CSAD: variants seen among roughly 807,000 people sequenced by gnomAD.
The protein encoded by CSAD is P-selectin cytoplasmic tail-associated protein.
CSAD carries 47 observed loss-of-function variants against 61.5 expected under a neutral mutation model. That is an observed-to-expected ratio of 0.76 (90% CI 0.60 to 0.97). The LOEUF (loss-of-function observed/expected upper bound fraction) is 0.97, where lower values mean the gene tolerates loss of function less well. Among genes scored for constraint, CSAD ranks in the 50% least tolerant of loss-of-function variants. The pLI is 0.00. For synonymous variants in CSAD, 245 were observed against 252.7 expected (o/e 0.97, Z 0.29); for missense variants, 611 against 643.6 (o/e 0.95, Z 0.55).
chr12:53,180,211 C>G, intron 1 of CSAD: 1 of 985,428 alleles, frequency 1.0e-6, no homozygotes, highest in Non-Finnish European at 1.2e-6. Context: ...CCTCTCCCAG[C>G]TGACCCCAAA....
At chr12:53,161,246 G>A (rs768821177) in intron 11 of CSAD, 27 bp downstream of exon 11, 54 of 1,612,662 alleles carry the variant, frequency 3.3e-5, no homozygotes, top group Middle Eastern at 1.6e-4. Flanking sequence ...CCACCCCACC[G>A]CACCCCCAAG....
Position 53,180,809 on chromosome 12 carries a change from G to A in CSAD, c.-168C>T, listed in dbSNP as rs1941552133. On this transcript the variant is annotated 5_prime_UTR_variant, in exon 1 of 17. Transcript: ENST00000444623. The stretch of plus-strand genomic sequence containing the variant: ...GCCTGGAGGAGGCGCCGCGCGGCCA[G>A]GGAGCCAGCGGGAGGCCGCGCCTGG... 1 of 1,272,086 alleles carries A rather than the reference G, an allele frequency of 7.9e-7. No individual in the cohort carries two copies. The highest frequency in any genetic ancestry group is 1.6e-5 in the African/African-American group (1 of 63,438). 78.8% of individuals were successfully genotyped at this position (1,272,086 alleles called of 1,614,324 possible). A position where few individuals can be genotyped will look rare whatever the true frequency, so the allele number is the denominator to read the frequency against.
chr12:53,178,531 C>A, intron 2 of CSAD: 1 of 294,558 alleles, frequency 3.4e-6, no homozygotes, highest in South Asian at 2.8e-5. Flanking sequence ...GTGGCTCACA[C>A]CTGGAATCCC....
chr12:53,170,190 G>C, intron 9 of CSAD, 64 bp from the exon 10 acceptor site: 1 of 1,476,952 alleles, frequency 6.8e-7, no homozygotes, highest in Non-Finnish European at 9.4e-7. Context: ...GGGTAAGGTG[G>C]GGTTAGCAAT....
At chr12:53,174,983 G>A (rs888630075) in intron 2 of CSAD, among the ~76,000 whole-genome samples, 4 of 152,106 alleles carry the variant, frequency 2.6e-5, no homozygotes, top group Non-Finnish European at 4.4e-5. Flanking sequence ...CTCAACCCCC[G>A]CTGGCTCTCA....
chr12:53,174,697 G>C (rs1940970016), intron 2 of CSAD, among the ~76,000 whole-genome samples: 1 of 152,216 alleles, frequency 6.6e-6, no homozygotes, highest in East Asian at 1.9e-4. Context: ...AGGAGGCTGA[G>C]GCAGGATCCA....
At chr12:53,181,233 C>A (rs929005717), upstream of CSAD, 1 of 985,464 alleles carries the variant, frequency 1.0e-6, no homozygotes, top group Non-Finnish European at 1.2e-6. Flanking sequence ...TACCTTCGGG[C>A]GGACGGGGAG....
intron 10 of CSAD, among the ~76,000 whole-genome samples, chr12:53,169,704 A>G (rs1253867473): frequency 1.3e-5 from 2 of 151,984 alleles, no homozygotes; most frequent in African/African-American, 4.8e-5. Context: ...ATGTCCCCTC[A>G]TCCCCACTAC....
chr12:53,172,539 C>G lies in CSAD; in HGVS notation c.236G>C (p.Arg79Pro), dbSNP rs35851381. ...GGGCCCACCAGTCTTGACACTGTAG[C>G]GAATCACAGCCCGACACCGCTCCAG... ...QILERCRAVI[R>P]YSVKTGHPRF... Residue 79 changes from arginine to proline, a missense_variant, in exon 5 of 17, where the codon CGC (arginine) becomes CCC (proline). Transcript: ENST00000444623. 6.2e-7 allele frequency: 1 copy of G among 1,614,096 alleles called. No individual in the cohort carries two copies. The highest frequency in any genetic ancestry group is 8.5e-7 in the Non-Finnish European group (1 of 1,179,998).
In CSAD at chr12:53,158,611, C is replaced by T. The variant is rs113376671; in HGVS notation, c.1382G>A (p.Arg461Gln). The change falls in exon 17 of 17, where the codon CGG becomes CAG. Residue 461 changes from arginine (R) to glutamine (Q), a missense_variant. Coordinates refer to ENST00000444623, the MANE Select transcript of CSAD (RefSeq NM_001244705.2). The part of the protein sequence containing the change: ...MMIGYQPHGT[R>Q]GNFFRVVVAN... ...CACAACCACACGGAAGAAGTTGCCC[C>T]GGGTCCCGTGGGGCTGGTAGCCAAT... The T allele has an allele frequency of 6.2e-6, 10 of 1,614,148 alleles. No homozygotes were observed. Among genetic ancestry groups the T allele is most frequent in the South Asian group, 4.4e-5 (4 of 91,086 alleles).
chr12:53,171,979 A>T lies in CSAD; in HGVS notation c.354T>A (p.Tyr118Ter). ...TGAGCACAAACACGGGGGCGATTTC[A>T]TATGTGTACCTGCCAGGAGAGAGAA... ...TESLNTSQYT[Y>*]EIAPVFVLME... Residue 118 changes from tyrosine (Y) to a stop codon, truncating the protein, a stop_gained, in exon 7 of 17, where the codon TAT (tyrosine) becomes TAA (stop). Coordinates refer to ENST00000444623, the MANE Select transcript of CSAD (RefSeq NM_001244705.2). LOFTEE classifies it high-confidence loss of function. 6.2e-7 allele frequency: 1 copy of T among 1,612,638 alleles called. No homozygotes were observed. Among genetic ancestry groups the T allele is most frequent in the Non-Finnish European group, 8.5e-7 (1 of 1,178,788 alleles).
intron 8 of CSAD, chr12:53,170,936 G>A (rs1372785574): frequency 2.5e-6 from 1 of 392,734 alleles, no homozygotes; most frequent in Non-Finnish European, 4.8e-6. Flanking sequence ...TCCCAGGGTG[G>A]TATCAAACTC....
chr12:53,163,074 AAG>A (rs1201075380), intron 10 of CSAD, among the ~76,000 whole-genome samples: 1 of 151,870 alleles, frequency 6.6e-6, no homozygotes, highest in Non-Finnish European at 1.5e-5. Flanking sequence ...AAAAAAAAAA[AAG>A]AAAAAAAATA....
At chr12:53,181,013 C>T (rs566884624), upstream of CSAD, 21,536 of 866,654 alleles carry the variant, frequency 0.025, 329 homozygotes, top group Non-Finnish European at 0.028. Context: ...ACACCGCCCC[C>T]TGCCCGCGCG....
intron 10 of CSAD, 115 bp downstream of exon 10, chr12:53,169,957 A>G (rs1940362821): frequency 1.1e-6 from 1 of 895,126 alleles, no homozygotes; most frequent in Non-Finnish European, 1.8e-6. Flanking sequence ...TTCAGCCCAC[A>G]GGGGAGATGG....
intron 1 of CSAD, chr12:53,180,488 G>C: frequency 8.2e-7 from 1 of 1,224,134 alleles, no homozygotes; most frequent in South Asian, 1.4e-5. Flanking sequence ...GGCGGCCGGG[G>C]CGCGCCCCGG....
intron 1 of CSAD, chr12:53,180,480 C>G: frequency 8.3e-7 from 1 of 1,202,270 alleles, no homozygotes. Flanking sequence ...GTCTCGATGG[C>G]GGCCGGGGCG....
At chr12:53,173,523 C>T (rs201715892) in intron 3 of CSAD, 47 bp from the exon 4 acceptor site, 44 of 1,613,324 alleles carry the variant, frequency 2.7e-5, no homozygotes, top group Non-Finnish European at 3.6e-5. Flanking sequence ...CAACCCTTCC[C>T]GGACCTACCC....
chr12:53,172,500 C>T, intron 5 of CSAD, 22 bp downstream of exon 5: 1 of 1,614,080 alleles, frequency 6.2e-7, no homozygotes. Flanking sequence ...CAAGTCTCCT[C>T]CTCACAGAAG....
Sources: allele counts gnomAD v4.1 joint callset (sites outside exome capture counted in the v4.1 genomes callset), GRCh38; gene constraint gnomAD v4.1.1; transcripts MANE v1.5; gene names NCBI Gene and HGNC (gene_info 2026-07-23, HGNC 2026-07-21).